Variants in PGM3 observed in about 807,000 individuals in gnomAD.
PGM3 encodes phosphoglucomutase 3, also known as phosphoacetylglucosamine mutase.
PGM3 carries 40 observed loss-of-function variants against 66.2 expected under a neutral mutation model. The observed-to-expected ratio is 0.60, with a 90% CI of 0.47 to 0.79. The LOEUF (loss-of-function observed/expected upper bound fraction) is 0.79. PGM3 is among the 30% of genes least tolerant of loss of function. PGM3 has a pLI of 0.00. For missense variants in PGM3, 537 were observed against 643.4 expected, an observed-to-expected ratio of 0.83 and a Z score of 1.79; for synonymous variants, 191 against 224.2, an observed-to-expected ratio of 0.85 and a Z score of 1.32.
intron 8 of PGM3, among the ~76,000 whole-genome samples, chr6:83,177,876 C>A (rs1167715020): frequency 3.3e-5 from 5 of 152,100 alleles, no homozygotes; most frequent in African/African-American, 1.2e-4. Flanking sequence ...CAAAATACCA[C>A]CCACTTACCC....
chr6:83,184,628 C>G (rs145308121), intron 4 of PGM3, among the ~76,000 whole-genome samples: 2,631 of 152,312 alleles, frequency 0.017, 46 homozygotes, highest in Admixed American at 0.058. Context: ...AACTCAGAAA[C>G]CTGGAATGTG....
intron 2 of PGM3, among the ~76,000 whole-genome samples, chr6:83,190,144 C>T (rs1385030444): frequency 1.3e-5 from 2 of 152,154 alleles, no homozygotes; most frequent in African/African-American, 4.8e-5. Flanking sequence ...AACAAGGTAA[C>T]TATGTGAGCT....
chr6:83,190,511 A>C (rs1216009223), intron 2 of PGM3: 4 of 380,268 alleles, frequency 1.1e-5, no homozygotes, highest in East Asian at 5.0e-5. Context: ...TTAACAAAGG[A>C]AACAATTTTC....
downstream of PGM3, chr6:83,156,209 T>G: frequency 1.1e-6 from 1 of 877,404 alleles, no homozygotes; most frequent in Non-Finnish European, 1.7e-6. Context: ...CAAGTGTAGA[T>G]CAATCGGGAA....
chr6:83,170,539 T>C, intron 11 of PGM3, 61 bp from the exon 12 acceptor site: 2 of 1,317,564 alleles, frequency 1.5e-6, no homozygotes, highest in Non-Finnish European at 2.2e-6. Context: ...GCTTAACCTG[T>C]TAAACATACA....
chr6:83,169,229 T>C lies in PGM3; in HGVS notation c.*5A>G, dbSNP rs1227837710. The C allele has an allele frequency of 1.2e-6, 2 of 1,613,906 alleles. No homozygotes were observed. Reference sequence around the variant, plus strand: ...TCCAGTTTCTCAGGAATATGAAAATTATCTTCAGAAACCTGGTTGGGGCCT... The same window carrying C: ...TCCAGTTTCTCAGGAATATGAAAATCATCTTCAGAAACCTGGTTGGGGCCT... On this transcript the variant is annotated 3_prime_UTR_variant, in exon 13 of 13. Transcript: ENST00000513973.
At chr6:83,151,972 T>C in the PGM3 span, 3 of 1,614,036 alleles carry the variant, frequency 1.9e-6, no homozygotes, top group Non-Finnish European at 1.7e-6. Context: ...ATCTTGAAGT[T>C]AAGCCTTCTC....
intron 3 of PGM3, 33 bp downstream of exon 3, chr6:83,188,581 G>T: frequency 1.5e-6 from 2 of 1,302,844 alleles, no homozygotes; most frequent in South Asian, 1.4e-5. Flanking sequence ...GTTCCCAAAG[G>T]TTTTTTTTTT....
chr6:83,152,513 G>A, the PGM3 span: 1 of 389,154 alleles, frequency 2.6e-6, no homozygotes, highest in Non-Finnish European at 4.5e-6. Flanking sequence ...ATAAAGTTTT[G>A]GCCTTGTATG....
chr6:83,176,043 A>C lies in PGM3; in HGVS notation c.1047T>G (p.Thr349=), dbSNP rs929818392. The C allele has an allele frequency of 1.9e-6, 3 of 1,593,440 alleles. No individual in the cohort carries two copies. The highest frequency in any genetic ancestry group is 2.7e-5 in the African/African-American group (2 of 74,502). The change falls in exon 9 of 13, where the codon ACT becomes ACG. Residue 349 remains threonine (T), a synonymous_variant. Transcript: ENST00000513973. ...EEVMKVPVYC[T]KTGVKHLHHK... is the part of the protein sequence containing the mutation. The stretch of plus-strand genomic sequence containing the variant: ...GGTGCAAATGTTTTACACCAGTCTT[A>C]GTGCAATAGACAGGTACCTATAACA...
Position 83,168,489 on chromosome 6 carries a change from G to A in PGM3, c.*745C>T. The A allele has an allele frequency of 9.8e-7, 1 of 1,024,050 alleles. No individual in the cohort carries two copies. Among genetic ancestry groups the A allele is most frequent in the Non-Finnish European group, 1.2e-6 (1 of 855,052 alleles). 63.4% of individuals were successfully genotyped at this position (1,024,050 alleles called of 1,614,324 possible). ...TTTTTTTCCATTGGTTTCAGACTTG[G>A]TTCAATTAAGATTGGTTGGGGATTT... On this transcript the variant is annotated 3_prime_UTR_variant, in exon 13 of 13. Coordinates refer to ENST00000513973, the MANE Select transcript of PGM3 (RefSeq NM_015599.3).
Position 83,167,653 on chromosome 6 carries a change from C to T in PGM3, c.*1581G>A. The T allele has an allele frequency of 7.8e-7, 1 of 1,286,310 alleles. No individual in the cohort carries two copies. Among genetic ancestry groups the T allele is most frequent in the East Asian group, 3.0e-5 (1 of 33,200 alleles). The allele number at this position is 1,286,310 out of a possible 1,614,324, so 79.7% of individuals were successfully genotyped here. A position where few individuals can be genotyped will look rare whatever the true frequency, so the allele number is the denominator to read the frequency against. On this transcript the variant is annotated 3_prime_UTR_variant, in exon 13 of 13. Transcript: ENST00000513973. Reference sequence around the variant, plus strand: ...TGCGCATTCTAGTTGGGAACTATTACTACAATGTTAGACTGCTCCATGTAA... The same window carrying T: ...TGCGCATTCTAGTTGGGAACTATTATTACAATGTTAGACTGCTCCATGTAA...
Position 83,187,071 on chromosome 6 carries a change from T to C in PGM3, c.394A>G (p.Ser132Gly). The C allele has an allele frequency of 1.3e-6, 2 of 1,597,636 alleles. No individual in the cohort carries two copies. Among genetic ancestry groups the C allele is most frequent in the Non-Finnish European group, 1.7e-6 (2 of 1,165,542 alleles). Residue 132 changes from serine (S) to glycine (G), a missense_variant, in exon 4 of 13, where the codon AGC becomes GGC. Ser to Gly is a moderately conservative substitution (Grantham distance 56, BLOSUM62 0). Coordinates refer to ENST00000513973, the MANE Select transcript of PGM3 (RefSeq NM_015599.3). Reference protein sequence around the residue: ...FVVIGRDTRPSSEKLSQSVID... With the variant: ...FVVIGRDTRPGSEKLSQSVID... ...ACAGATTGTGAAAGTTTCTCACTGC[T>C]GGGCCTAGGAAAGAAAAGGAAGAAA...
Position 83,167,845 on chromosome 6 carries a change from CTT to C in PGM3, c.*1387_*1388del. ...TGTCTGTTGTATTAATACCAGTTCA[CTT>C]TTTGTTTTCTGCAGAAAAATCCAGA... On this transcript the variant is annotated 3_prime_UTR_variant, in exon 13 of 13. Transcript: ENST00000513973. 6.3e-7 allele frequency: 1 copy of C among 1,592,956 alleles called. No individual in the cohort carries two copies. The highest frequency in any genetic ancestry group is 8.6e-7 in the Non-Finnish European group (1 of 1,168,908).
At chr6:83,189,795 A>T (rs2128507804) in intron 2 of PGM3, among the ~76,000 whole-genome samples, 1 of 152,382 alleles carries the variant, frequency 6.6e-6, no homozygotes, top group South Asian at 2.1e-4. Flanking sequence ...TATACACAAT[A>T]GAATATTATT....
chr6:83,178,541 C>A, intron 8 of PGM3, 132 bp downstream of exon 8: 3 of 647,532 alleles, frequency 4.6e-6, no homozygotes, highest in South Asian at 1.8e-5. Flanking sequence ...TTATTTATTT[C>A]TCTTTACCTT....
chr6:83,188,608 C>A lies in PGM3; in HGVS notation c.389+6G>T. The A allele has an allele frequency of 6.3e-7, 1 of 1,596,780 alleles. No individual in the cohort carries two copies. Among genetic ancestry groups the A allele is most frequent in the South Asian group, 1.1e-5 (1 of 90,508 alleles). ...TTTTTTTTTTACCAGTAACTCTTAT[C>A]ATCACCTGGTATCTCTACCAATAAC... On this transcript the variant is annotated splice_donor_region_variant and intron_variant, in intron 3 of 12. Coordinates refer to ENST00000513973, the MANE Select transcript of PGM3 (RefSeq NM_015599.3).
chr6:83,178,214 C>G (rs1471558172), intron 8 of PGM3, among the ~76,000 whole-genome samples: 1 of 152,200 alleles, frequency 6.6e-6, no homozygotes, highest in African/African-American at 2.4e-5. Flanking sequence ...CTGCCCTTCT[C>G]TAAAGGAGTA....
rs1785429000 is a variant in PGM3, at chr6:83,166,019, G to A, written c.*3215C>T. 4 of 288,304 alleles carry A rather than the reference G, an allele frequency of 1.4e-5. No individual in the cohort carries two copies. The highest frequency in any genetic ancestry group is 1.3e-4 in the Admixed American group (3 of 23,386). 17.9% of individuals were successfully genotyped at this position (288,304 alleles called of 1,614,324 possible). On this transcript the variant is annotated 3_prime_UTR_variant, in exon 13 of 13. Transcript: ENST00000513973. ...GTGCTTTGGAGCTTCTTTCAGTCCA[G>A]CCACTGAGCTGGTCATCGCCAGTTG... is the stretch of plus-strand genomic sequence containing the variant.
Sources: allele counts gnomAD v4.1 joint callset (sites outside exome capture counted in the v4.1 genomes callset), GRCh38; gene constraint gnomAD v4.1.1; transcripts MANE v1.5; gene names NCBI Gene and HGNC (gene_info 2026-07-23, HGNC 2026-07-21).